MLLT3: variants seen among roughly 807,000 people sequenced by gnomAD.
The protein encoded by MLLT3 is protein AF-9.
MLLT3 carries 4 observed loss-of-function variants against 53.2 expected under a neutral mutation model. That is an observed-to-expected ratio of 0.08 (90% CI 0.04 to 0.17). The LOEUF is 0.17. MLLT3 is among the 10% of genes least tolerant of loss of function. MLLT3 has a pLI of 1.00. For synonymous variants in MLLT3, 283 were observed against 230.6 expected (o/e 1.23, Z -2.06); for missense variants, 569 against 684.0 (o/e 0.83, Z 1.87).
chr9:20,514,292 G>C (rs2118966883), intron 2 of MLLT3, among the ~76,000 whole-genome samples: 1 of 152,224 alleles, frequency 6.6e-6, no homozygotes, highest in Admixed American at 6.5e-5. Context: ...GTGTCCCAGG[G>C]GAAGGAATCA....
At chr9:20,499,058 G>A (rs555024343) in intron 2 of MLLT3, among the ~76,000 whole-genome samples, 2 of 152,268 alleles carry the variant, frequency 1.3e-5, no homozygotes, top group Admixed American at 6.5e-5. Context: ...CTAGCTTCTG[G>A]AGGTTGCTGG....
chr9:20,603,145 G>T lies in MLLT3; in HGVS notation c.193+17509C>A, dbSNP rs150602748. Among the ~76,000 whole-genome samples the T allele has an allele frequency of 8.0e-3, 1,213 of 152,104 alleles. 3 individuals carry two copies. The highest frequency in any genetic ancestry group is 0.013 in the Non-Finnish European group (915 of 67,904). On this transcript the variant is annotated intron_variant, in intron 2 of 10. Transcript: ENST00000380338. ...CAAGCACTTTTGAAACATTAATCCA[G>T]ATCTGATTTTGGCAGTCTTCTATAA... is the stretch of plus-strand genomic sequence containing the variant.
At chr9:20,542,238 A>ATTTTT (rs35985088) in intron 2 of MLLT3, among the ~76,000 whole-genome samples, 2 of 50,606 alleles carry the variant, frequency 4.0e-5, no homozygotes, top group African/African-American at 5.3e-5. Flanking sequence ...GAGCAGTAAT[A>ATTTTT]TTTTTTTTTT....
intron 5 of MLLT3, among the ~76,000 whole-genome samples, chr9:20,374,980 C>T (rs553583863): frequency 6.6e-6 from 1 of 152,274 alleles, no homozygotes; most frequent in Non-Finnish European, 1.5e-5. Flanking sequence ...AGAACAGACA[C>T]CAAAGAGCTT....
chr9:20,621,772 C>T lies in MLLT3; in HGVS notation c.12+473G>A. 1.3e-6 allele frequency: 2 copies of T among 1,484,880 alleles called. No homozygotes were observed. The highest frequency in any genetic ancestry group is 2.5e-5 in the South Asian group (2 of 78,566). 92.0% of individuals were successfully genotyped at this position (1,484,880 alleles called of 1,614,324 possible). On this transcript the variant is annotated intron_variant, in intron 1 of 10. Coordinates refer to ENST00000380338, the MANE Select transcript of MLLT3 (RefSeq NM_004529.4). This position sits in a 1 kb window ranked among gnomAD's most constrained non-coding sequence, Gnocchi z 7.0. The stretch of plus-strand genomic sequence containing the variant: ...ACACACGCGCGCCGCGGAGAACGCA[C>T]CATCGTAGCGGCCGCGGCGCTTTGC...
intron 4 of MLLT3, among the ~76,000 whole-genome samples, chr9:20,434,784 A>C (rs1233502892): frequency 6.6e-6 from 1 of 152,204 alleles, no homozygotes. Context: ...AACAAAAAAC[A>C]AGCATAATCT....
chr9:20,374,482 T>C (rs1285941903), intron 5 of MLLT3, among the ~76,000 whole-genome samples: 1 of 152,206 alleles, frequency 6.6e-6, no homozygotes, highest in African/African-American at 2.4e-5. Flanking sequence ...ATGGGTAAAA[T>C]ATTGAGATAG....
intron 2 of MLLT3, among the ~76,000 whole-genome samples, chr9:20,570,345 A>G (rs1819498559): frequency 6.6e-6 from 1 of 152,218 alleles, no homozygotes; most frequent in Non-Finnish European, 1.5e-5. Context: ...ATAAACAACA[A>G]CAGCAGAGTC....
chr9:20,476,925 T>C (rs1034549818), intron 2 of MLLT3, among the ~76,000 whole-genome samples: 1 of 152,128 alleles, frequency 6.6e-6, no homozygotes, highest in African/African-American at 2.4e-5. Context: ...AACAAACAAG[T>C]CTTTTCCATC....
chr9:20,523,617 A>G (rs990599246), intron 2 of MLLT3, among the ~76,000 whole-genome samples: 17 of 152,348 alleles, frequency 1.1e-4, no homozygotes, highest in African/African-American at 3.8e-4. Context: ...TGAAAAGACT[A>G]CATCTGTATG....
chr9:20,376,391 C>T (rs1821766074), intron 5 of MLLT3, among the ~76,000 whole-genome samples: 1 of 152,116 alleles, frequency 6.6e-6, no homozygotes, highest in African/African-American at 2.4e-5. Flanking sequence ...TGAGAATTAC[C>T]CTCTCAACTG....
intron 2 of MLLT3, among the ~76,000 whole-genome samples, chr9:20,535,325 A>G (rs1587039085): frequency 1.3e-5 from 2 of 152,296 alleles, no homozygotes; most frequent in South Asian, 2.1e-4. Context: ...CACCCCATCC[A>G]TGGAAAATTG....
intron 2 of MLLT3, among the ~76,000 whole-genome samples, chr9:20,485,894 C>A (rs904374528): frequency 6.6e-6 from 1 of 152,132 alleles, no homozygotes; most frequent in Non-Finnish European, 1.5e-5. Flanking sequence ...AAATCAGTAT[C>A]ATTAATTATA....
intron 2 of MLLT3, among the ~76,000 whole-genome samples, chr9:20,593,364 G>C (rs1820175043): frequency 6.6e-6 from 1 of 152,118 alleles, no homozygotes; most frequent in Admixed American, 6.6e-5. Flanking sequence ...AGATATTTGA[G>C]GGCAGAAACC....
chr9:20,567,427 C>T (rs1819408791), intron 2 of MLLT3, among the ~76,000 whole-genome samples: 1 of 151,944 alleles, frequency 6.6e-6, no homozygotes, highest in Non-Finnish European at 1.5e-5. Context: ...AATCAAGCCA[C>T]CAACTGATAG....
chr9:20,607,301 T>C (rs537387256), intron 2 of MLLT3, among the ~76,000 whole-genome samples: 2 of 152,254 alleles, frequency 1.3e-5, no homozygotes, highest in South Asian at 4.1e-4. Flanking sequence ...ATAAATTAAC[T>C]TACTAATAAA....
chr9:20,372,954 T>C (rs188894204), intron 5 of MLLT3, among the ~76,000 whole-genome samples: 1 of 152,300 alleles, frequency 6.6e-6, no homozygotes, highest in African/African-American at 2.4e-5. Flanking sequence ...AACCAAAAAC[T>C]TCACATGCCT....
In MLLT3 at chr9:20,435,343, G is replaced by GT. The variant is rs529726921; in HGVS notation, c.420+12779dup. On this transcript the variant is annotated intron_variant, in intron 4 of 10. Coordinates refer to ENST00000380338, the MANE Select transcript of MLLT3 (RefSeq NM_004529.4). Reference sequence around the variant, plus strand: ...ACAGGTGCTCACCACCACACCCAGTGTTTTTTAAAAAAAAGAAGAAACTGA... The same window carrying GT: ...ACAGGTGCTCACCACCACACCCAGTGTTTTTTTAAAAAAAAGAAGAAACTGA... Among the ~76,000 whole-genome samples, 141 of 151,884 alleles carry GT rather than the reference G, an allele frequency of 9.3e-4. 2 individuals carry two copies. The highest frequency in any genetic ancestry group is 1.9e-3 in the Non-Finnish European group (132 of 67,914).
At chr9:20,399,892 G>C (rs1242684912) in intron 5 of MLLT3, among the ~76,000 whole-genome samples, 1 of 152,016 alleles carries the variant, frequency 6.6e-6, no homozygotes. Context: ...TGCTGGTTTG[G>C]GGGGAGAAAG....
Sources: allele counts gnomAD v4.1 joint callset (sites outside exome capture counted in the v4.1 genomes callset), GRCh38; gene constraint gnomAD v4.1.1; non-coding constraint Gnocchi (gnomAD v3.1); transcripts MANE v1.5; gene names NCBI Gene and HGNC (gene_info 2026-07-23, HGNC 2026-07-21).